The following DGCR8 variants were observed in gnomAD, a reference collection of about 807,000 sequenced individuals.
The protein encoded by DGCR8 is DGCR8 microprocessor complex subunit.
A neutral mutation model predicts 78.5 loss-of-function variants in DGCR8; 14 were observed. The observed-to-expected ratio is 0.18, with a 90% CI of 0.12 to 0.28. The LOEUF is 0.28. Among genes scored for constraint, DGCR8 ranks in the 10% least tolerant of loss-of-function variants. The pLI, the probability that DGCR8 is intolerant of heterozygous loss-of-function variation, is 1.00. For synonymous variants in DGCR8, 399 were observed against 402.4 expected (o/e 0.99, Z 0.10); for missense variants, 702 against 1,022.5 (o/e 0.69, Z 4.28).
At position 20,091,855 on chromosome 22, in the gene DGCR8, T is replaced by G; in HGVS notation, c.1505-14T>G. Reference sequence around the variant, plus strand: ...ACTGCTTCACACTTGCTGAGATGGTTCTTTTTGTCACAGAGTTTGTTATTA... The same window carrying G: ...ACTGCTTCACACTTGCTGAGATGGTGCTTTTTGTCACAGAGTTTGTTATTA... On this transcript the variant is annotated splice_polypyrimidine_tract_variant and intron_variant, in intron 6 of 13. Transcript: ENST00000351989. The G allele has an allele frequency of 6.2e-7, 1 of 1,613,038 alleles. No individual in the cohort carries two copies. Among genetic ancestry groups the G allele is most frequent in the Non-Finnish European group, 8.5e-7 (1 of 1,179,124 alleles).
chr22:20,104,355 G>A (rs1169877461), intron 9 of DGCR8, among the ~76,000 whole-genome samples: 1 of 151,996 alleles, frequency 6.6e-6, no homozygotes, highest in Non-Finnish European at 1.5e-5. Flanking sequence ...TTTTAGTAGA[G>A]ACGGGGTTTC....
rs2049568261 is a variant in DGCR8 at position 20,091,887 on chromosome 22, A to G, written c.1523A>G (p.Asn508Ser). 5 of 1,614,106 alleles carry G rather than the reference A, an allele frequency of 3.1e-6. No individual in the cohort carries two copies. The highest frequency in any genetic ancestry group is 3.4e-6 in the Non-Finnish European group (4 of 1,180,014). Residue 508 changes from asparagine (N) to serine (S), a missense_variant, in exon 7 of 14, where the codon AAC becomes AGC. Coordinates refer to ENST00000351989, the MANE Select transcript of DGCR8 (RefSeq NM_022720.7). ...GTCACAGAGTTTGTTATTAACCCCA[A>G]CGGGAAATCCGAGGTCTGCATCCTG... ...PTKKEFVINP[N>S]GKSEVCILHE... is the part of the protein sequence containing the mutation.
At chr22:20,108,555 A>G (rs1199377489) in intron 12 of DGCR8, 1 of 270,708 alleles carries the variant, frequency 3.7e-6, no homozygotes, top group African/African-American at 2.2e-5. Context: ...CTATGGCCAC[A>G]CTCTGGTTTC....
Position 20,094,793 on chromosome 22 carries a change from G to A in DGCR8, c.1786G>A (p.Glu596Lys). 1 of 1,613,870 alleles carries A rather than the reference G, an allele frequency of 6.2e-7. No individual in the cohort carries two copies. ...GAAGCCCAAAGACAGTGAAGAACTC[G>A]AGGTGAGTGTTGTGGTCCTGCCCTG... ...EEKPKDSEEL[E>K]YFNHISIEDS... is the part of the protein sequence containing the mutation. The change falls in exon 9 of 14, where the codon GAG becomes AAG. Residue 596 changes from glutamate (E) to lysine (K), a missense_variant and splice_region_variant. By Grantham distance (56) the Glu-to-Lys change is moderately conservative (BLOSUM62 1). Around this residue, in one of 4 missense-constraint regions of DGCR8, gnomAD observed 225 missense variants for 427.7 expected, o/e 0.53. Coordinates refer to ENST00000351989, the MANE Select transcript of DGCR8 (RefSeq NM_022720.7).
intron 1 of DGCR8, chr22:20,080,652 G>T (rs1012370993): frequency 7.7e-6 from 2 of 259,018 alleles, no homozygotes; most frequent in Non-Finnish European, 6.0e-6. Context: ...CTCCCGGAGG[G>T]CCCGAAGCCT....
chr22:20,097,444 T>G (rs1473827105), intron 9 of DGCR8, among the ~76,000 whole-genome samples: 1 of 152,234 alleles, frequency 6.6e-6, no homozygotes, highest in Non-Finnish European at 1.5e-5. Context: ...TGATGTAGAT[T>G]ATCTAATTGA....
At chr22:20,091,712 G>A (rs1221018765) in intron 6 of DGCR8, 80 bp downstream of exon 6, 1 of 1,563,906 alleles carries the variant, frequency 6.4e-7, no homozygotes, top group African/African-American at 1.4e-5. Flanking sequence ...CATGTTTTAT[G>A]AGTTGCATTT....
intron 9 of DGCR8, among the ~76,000 whole-genome samples, chr22:20,096,196 T>C (rs2049627074): frequency 6.6e-6 from 1 of 152,214 alleles, no homozygotes; most frequent in Non-Finnish European, 1.5e-5. Context: ...AAAAAGAATG[T>C]TATTAAGAAA....
rs933981705 is a variant in DGCR8 at position 20,080,312 on chromosome 22, G to T, written c.-349G>T. 81 of 980,976 alleles carry T rather than the reference G, an allele frequency of 8.3e-5. No individual in the cohort carries two copies. Among genetic ancestry groups the T allele is most frequent in the Non-Finnish European group, 9.4e-5 (78 of 828,230 alleles). 60.8% of individuals were successfully genotyped at this position (980,976 alleles called of 1,614,324 possible). A position where few individuals can be genotyped will look rare whatever the true frequency, so the allele number is the denominator to read the frequency against. ...TGGACAGGCTTTCCAGATGGCTGCG[G>T]CGGTCGGTCGGTGAGGCTTTCCCGG... is the stretch of plus-strand genomic sequence containing the variant. On this transcript the variant is annotated 5_prime_UTR_variant, in exon 1 of 14. Transcript: ENST00000351989.
intron 9 of DGCR8, among the ~76,000 whole-genome samples, chr22:20,098,594 G>A (rs963562032): frequency 1.3e-5 from 2 of 152,116 alleles, no homozygotes; most frequent in Non-Finnish European, 2.9e-5. Context: ...GTTTGCTAGG[G>A]ATACTGTAAC....
In DGCR8 at chr22:20,089,620, T is replaced by G. The variant is rs756175070; in HGVS notation, c.881-49T>G. On this transcript the variant is annotated intron_variant, in intron 3 of 13. Coordinates refer to ENST00000351989, the MANE Select transcript of DGCR8 (RefSeq NM_022720.7). The surrounding 1 kb of genome is among the most constrained non-coding windows in gnomAD (Gnocchi z 4.9). ...GTGCAGGAGGTGCTGTGGCAACAAT[T>G]CCAAGTGTTTTTACAGTGATTATAG... is the stretch of plus-strand genomic sequence containing the variant. The G allele has an allele frequency of 6.2e-7, 1 of 1,603,410 alleles. No homozygotes were observed. The highest frequency in any genetic ancestry group is 1.1e-5 in the South Asian group (1 of 90,520).
intron 9 of DGCR8, among the ~76,000 whole-genome samples, chr22:20,097,451 T>C (rs1204474890): frequency 6.6e-6 from 1 of 152,232 alleles, no homozygotes; most frequent in South Asian, 2.1e-4. Context: ...GATTATCTAA[T>C]TGATTAGCAT....
intron 1 of DGCR8, among the ~76,000 whole-genome samples, chr22:20,081,599 T>C (rs1490653540): frequency 6.6e-6 from 1 of 152,228 alleles, no homozygotes; most frequent in Non-Finnish European, 1.5e-5. Context: ...TGCCCAGTCT[T>C]AGACTCTCTT....
In DGCR8 at chr22:20,086,764, A is replaced by T; in HGVS notation, c.720+81A>T. ...GGGAATTGCAGCATCTTTTGAAAGC[A>T]GGGAAATTAAAAAAAAAAAAAACAA... On this transcript the variant is annotated intron_variant, in intron 2 of 13. Coordinates refer to ENST00000351989, the MANE Select transcript of DGCR8 (RefSeq NM_022720.7). This position sits in a 1 kb window ranked among gnomAD's most constrained non-coding sequence, Gnocchi z 6.4. 4 of 1,399,190 alleles carry T rather than the reference A, an allele frequency of 2.9e-6. No individual in the cohort carries two copies. Among genetic ancestry groups the T allele is most frequent in the Non-Finnish European group, 3.8e-6 (4 of 1,047,350 alleles). The allele number at this position is 1,399,190 out of a possible 1,614,324, so 86.7% of individuals were successfully genotyped here.
At chr22:20,094,990 A>G (rs1156761593) in intron 9 of DGCR8, among the ~76,000 whole-genome samples, 195 bp downstream of exon 9, 1 of 152,222 alleles carries the variant, frequency 6.6e-6, no homozygotes, top group African/African-American at 2.4e-5. Flanking sequence ...TAGGCAGGGA[A>G]AAAATGTCCT....
chr22:20,106,337 T>A, intron 10 of DGCR8, 60 bp downstream of exon 10: 1 of 1,409,002 alleles, frequency 7.1e-7, no homozygotes. Context: ...CTCTGGCGTC[T>A]CATATTCTTG....
intron 3 of DGCR8, among the ~76,000 whole-genome samples, chr22:20,088,062 G>A (rs148267098): frequency 1.5e-3 from 233 of 152,256 alleles, no homozygotes; most frequent in Non-Finnish European, 2.8e-3. Flanking sequence ...ACCCCAGGCT[G>A]AGGGCTGGGG....
intron 10 of DGCR8, 32 bp downstream of exon 10, chr22:20,106,309 C>T: frequency 6.4e-7 from 1 of 1,553,948 alleles, no homozygotes; most frequent in Non-Finnish European, 8.9e-7. Context: ...CCCCATGAGT[C>T]AGGTCGGGGG....
In DGCR8 at chr22:20,086,663, G is replaced by A; in HGVS notation, c.700G>A (p.Ala234Thr). 6.2e-7 allele frequency: 1 copy of A among 1,608,314 alleles called. No homozygotes were observed. The highest frequency in any genetic ancestry group is 8.5e-7 in the Non-Finnish European group (1 of 1,179,528). ...IVQRDRVDEE[A>T]LNFPYEDDFD... ...TCAGAGAGACAGAGTGGATGAAGAG[G>A]CCTTGAATTTCCCCTACGAGGTATG... The change falls in exon 2 of 14, where the codon GCC (alanine) becomes ACC (threonine). Residue 234 changes from alanine to threonine, a missense_variant. Transcript: ENST00000351989. This position sits in a 1 kb window ranked among gnomAD's most constrained non-coding sequence, Gnocchi z 6.4.
Sources: gnomAD v4.1 joint callset for allele counts (sites outside exome capture counted in the v4.1 genomes callset) on GRCh38, gnomAD v4.1.1 for gene constraint, gnomAD v4.1.1 regional missense constraint, Gnocchi (gnomAD v3.1) non-coding constraint, MANE v1.5 for transcripts, NCBI Gene and HGNC (gene_info 2026-07-23, HGNC 2026-07-21) for gene names.